NEO1: variants seen among roughly 807,000 people sequenced by gnomAD.
NEO1 encodes neogenin 1.
In NEO1, 63 loss-of-function variants were observed where a neutral mutation model predicts 159.7. The observed-to-expected ratio is 0.39, with a 90% CI of 0.32 to 0.49. The LOEUF (loss-of-function observed/expected upper bound fraction) is 0.49. Among genes scored for constraint, NEO1 ranks in the 20% least tolerant of loss-of-function variants. The probability of loss-of-function intolerance (pLI) is 0.85; values close to 1 mark genes in which losing one functional copy is unlikely to be tolerated. For missense variants in NEO1, 1,615 were observed against 1,831.0 expected (o/e 0.88, Z 2.15); for synonymous variants, 633 against 662.0 (o/e 0.96, Z 0.67).
intron 25 of NEO1, among the ~76,000 whole-genome samples, chr15:73,290,393 A>C (rs930565403): frequency 6.6e-6 from 1 of 151,702 alleles, no homozygotes; most frequent in Admixed American, 6.6e-5. Context: ...GGTGCTCGCC[A>C]CCACACCTGG....
At chr15:73,246,472 G>T (rs1404069430) in intron 9 of NEO1, among the ~76,000 whole-genome samples, 2 of 152,160 alleles carry the variant, frequency 1.3e-5, no homozygotes, top group Non-Finnish European at 2.9e-5. Context: ...TCATATAGAG[G>T]CATCATTCAT....
intron 4 of NEO1, among the ~76,000 whole-genome samples, chr15:73,133,503 T>G (rs2031389365): frequency 6.6e-6 from 1 of 152,158 alleles, no homozygotes; most frequent in African/African-American, 2.4e-5. Flanking sequence ...ACTAAATAAC[T>G]TTTTCATGTA....
intron 7 of NEO1, among the ~76,000 whole-genome samples, chr15:73,186,379 A>G (rs1158268238): frequency 1.3e-5 from 2 of 152,182 alleles, no homozygotes; most frequent in African/African-American, 2.4e-5. Flanking sequence ...CAGCAAAAAT[A>G]TCTTTCAAAA....
chr15:73,236,185 G>A (rs1052678372), intron 7 of NEO1, 162 bp from the exon 8 acceptor site: 22 of 873,216 alleles, frequency 2.5e-5, no homozygotes, highest in African/African-American at 1.2e-4. Context: ...ATTTCCCATC[G>A]TGGTTTTGTT....
At chr15:73,192,937 T>C (rs924161242) in intron 7 of NEO1, among the ~76,000 whole-genome samples, 4 of 152,044 alleles carry the variant, frequency 2.6e-5, no homozygotes, top group African/African-American at 9.7e-5. Flanking sequence ...CAATTAGAAA[T>C]TAAACTTGGA....
chr15:73,233,718 GT>G (rs2039032418), intron 7 of NEO1, among the ~76,000 whole-genome samples: 1 of 152,056 alleles, frequency 6.6e-6, no homozygotes, highest in Non-Finnish European at 1.5e-5. Context: ...AAGTGATTCT[GT>G]TATCACTCAT....
At chr15:73,184,801 G>A (rs889295475) in intron 7 of NEO1, among the ~76,000 whole-genome samples, 4 of 152,048 alleles carry the variant, frequency 2.6e-5, no homozygotes, top group African/African-American at 7.3e-5. Context: ...AGTGGTGCAT[G>A]CCTGTAATCC....
intron 5 of NEO1, chr15:73,162,316 C>G (rs2034244839): frequency 4.7e-6 from 1 of 211,314 alleles, no homozygotes. Flanking sequence ...TTCAAAGACC[C>G]CAAGGGAAAT....
At chr15:73,298,705 G>A (rs1038266090) in intron 27 of NEO1, 94 bp downstream of exon 27, 4 of 1,502,862 alleles carry the variant, frequency 2.7e-6, no homozygotes, top group South Asian at 2.5e-5. Flanking sequence ...TTGAAGTATA[G>A]CAAAGCAAAT....
Position 73,289,140 on chromosome 15 carries a change from A to C in NEO1, c.3650-6A>C. On this transcript the variant is annotated splice_region_variant and splice_polypyrimidine_tract_variant and intron_variant, in intron 24 of 28. Transcript: ENST00000261908. ...CTGGTAACTAACCTCCACGTTTAAC[A>C]TCTAGGGCATGAGTCAGAGGACAGC... The C allele has an allele frequency of 6.2e-7, 1 of 1,613,772 alleles. No homozygotes were observed. Among genetic ancestry groups the C allele is most frequent in the Non-Finnish European group, 8.5e-7 (1 of 1,179,732 alleles).
chr15:73,267,948 A>G (rs907633020), intron 16 of NEO1, among the ~76,000 whole-genome samples: 56 of 152,202 alleles, frequency 3.7e-4, no homozygotes, highest in African/African-American at 1.2e-3. Flanking sequence ...GATATGTTGC[A>G]TAATTGTGCA....
intron 7 of NEO1, among the ~76,000 whole-genome samples, chr15:73,204,282 A>G (rs1446756111): frequency 2.0e-5 from 3 of 151,540 alleles, no homozygotes; most frequent in Non-Finnish European, 4.4e-5. Context: ...CAGTTTGGGT[A>G]TGATGTGCTT....
rs569213405 is a variant in NEO1 at position 73,121,679 on chromosome 15, T to C, written c.449-846T>C. On this transcript the variant is annotated intron_variant, in intron 2 of 28. Transcript: ENST00000261908. The stretch of plus-strand genomic sequence containing the variant: ...GTGATTTTTCTAGTTCCATCATTTC[T>C]ATAAGGCAAAGCTTTTCCTTTTCTT... 8.9e-4 allele frequency among the ~76,000 whole-genome samples: 136 copies of C among 152,326 alleles called. 1 individual carries two copies. The highest frequency in any genetic ancestry group is 3.2e-3 in the African/African-American group (132 of 41,578).
chr15:73,263,034 C>T (rs1216346652), intron 15 of NEO1, among the ~76,000 whole-genome samples: 2 of 151,906 alleles, frequency 1.3e-5, no homozygotes, highest in African/African-American at 4.8e-5. Flanking sequence ...TGTTAGGAAT[C>T]AACTACAAGG....
chr15:73,177,501 T>G (rs1376739114), intron 6 of NEO1, among the ~76,000 whole-genome samples: 1 of 152,196 alleles, frequency 6.6e-6, no homozygotes, highest in Non-Finnish European at 1.5e-5. Flanking sequence ...ATTTGGAAAC[T>G]AGAAAATTTT....
In NEO1 at chr15:73,268,370, T is replaced by G. The variant is rs537969032; in HGVS notation, c.2495-1640T>G. Among the ~76,000 whole-genome samples the G allele has an allele frequency of 3.9e-5, 6 of 152,332 alleles. No homozygotes were observed. In the East Asian group the frequency reaches 9.6e-4, roughly 24 times the overall value. On this transcript the variant is annotated intron_variant, in intron 16 of 28. Transcript: ENST00000261908. ...TACACAAGAAAATGTTCCTAAGTCA[T>G]GTAATCTAGATATGTTTTCTAAGGG...
chr15:73,122,577 C>G lies in NEO1; in HGVS notation c.501C>G (p.Asn167Lys), dbSNP rs1567243390. 1 of 1,614,136 alleles carries G rather than the reference C, an allele frequency of 6.2e-7. No homozygotes were observed. The highest frequency in any genetic ancestry group is 1.1e-5 in the South Asian group (1 of 91,080). Residue 167 changes from asparagine (N) to lysine (K), a missense_variant, in exon 3 of 29, where the codon AAC becomes AAG. Asn to Lys is a moderately conservative substitution (Grantham distance 94). Around this residue, in one of 3 missense-constraint regions of NEO1, gnomAD observed 1,018 missense variants for 1,115.4 expected, o/e 0.91. Coordinates refer to ENST00000261908, the MANE Select transcript of NEO1 (RefSeq NM_002499.4). ...AACCTTCCTCAGTTTATGCTGGGAA[C>G]AATGCAATTCTGAATTGTGAAGTTA... is the stretch of plus-strand genomic sequence containing the variant. ...QPEPSSVYAG[N>K]NAILNCEVNA...
At chr15:73,229,356 T>G (rs568246808) in intron 7 of NEO1, among the ~76,000 whole-genome samples, 1 of 152,170 alleles carries the variant, frequency 6.6e-6, no homozygotes, top group Admixed American at 6.5e-5. Flanking sequence ...TGGAATTGAT[T>G]TCTTAATTTC....
At chr15:73,194,651 G>A (rs2036432822) in intron 7 of NEO1, among the ~76,000 whole-genome samples, 1 of 152,154 alleles carries the variant, frequency 6.6e-6, no homozygotes, top group Non-Finnish European at 1.5e-5. Context: ...CCACTAGGCT[G>A]ACCCTCCAAA....
Sources: allele counts gnomAD v4.1 joint callset (sites outside exome capture counted in the v4.1 genomes callset), GRCh38; gene constraint gnomAD v4.1.1; regional missense constraint gnomAD v4.1.1; transcripts MANE v1.5; gene names NCBI Gene and HGNC (gene_info 2026-07-23, HGNC 2026-07-21).